NUP62CL: variants seen among roughly 807,000 people sequenced by gnomAD.
NUP62CL encodes nucleoporin 62 C-terminal like.
NUP62CL carries 13 observed loss-of-function variants against 15.3 expected under a neutral mutation model. The observed-to-expected ratio is 0.85, with a 90% CI of 0.55 to 1.35. The LOEUF (loss-of-function observed/expected upper bound fraction) is 1.35, where lower values mean the gene tolerates loss of function less well. Ranked by LOEUF, NUP62CL falls within the 40% of genes most tolerant of loss-of-function variation. The pLI is 0.00. For synonymous variants in NUP62CL, 54 were observed against 49.2 expected (o/e 1.10, Z -0.41); for missense variants, 123 against 130.6 (o/e 0.94, Z 0.28).
chrX:107,156,885 A>C (rs1224493973), intron 4 of NUP62CL, among the ~76,000 whole-genome samples: 2 of 91,459 alleles, frequency 2.2e-5, no homozygotes, highest in African/African-American at 8.2e-5. Flanking sequence ...TTTGAAAAAA[A>C]TTTAGAAGAA....
intron 2 of NUP62CL, among the ~76,000 whole-genome samples, chrX:107,189,877 A>G (rs28617294): frequency 7.5e-4 from 42 of 56,126 alleles, no homozygotes; most frequent in African/African-American, 3.5e-3. Context: ...AAAAAGAAAG[A>G]AAAGAAAGAA....
intron 2 of NUP62CL, among the ~76,000 whole-genome samples, chrX:107,184,321 A>G (rs1376149524): frequency 2.9e-5 from 2 of 68,683 alleles, no homozygotes; most frequent in African/African-American, 1.4e-4. Context: ...GAAAGAAAGA[A>G]AGAAAGAAAG....
intron 2 of NUP62CL, among the ~76,000 whole-genome samples, chrX:107,184,090 C>G (rs766439150): frequency 4.6e-5 from 5 of 109,436 alleles, no homozygotes; most frequent in African/African-American, 6.6e-5. Context: ...ACCTCCCCCC[C>G]CTCCACCAGA....
intron 3 of NUP62CL, among the ~76,000 whole-genome samples, chrX:107,171,409 G>C (rs1370163368): frequency 9.0e-6 from 1 of 111,432 alleles, no homozygotes; most frequent in East Asian, 2.8e-4. Context: ...ACCTGAGGCT[G>C]GATAGTTTAT....
At chrX:107,185,849 G>A (rs1927048104) in intron 2 of NUP62CL, among the ~76,000 whole-genome samples, 1 of 111,260 alleles carries the variant, frequency 9.0e-6, no homozygotes, top group Non-Finnish European at 1.9e-5. Context: ...CAAAAGTAAT[G>A]ATATAGGCAA....
At chrX:107,165,049 C>T (rs1057065521) in intron 4 of NUP62CL, among the ~76,000 whole-genome samples, 24 of 111,373 alleles carry the variant, frequency 2.2e-4, no homozygotes, top group East Asian at 2.0e-3. Flanking sequence ...TGCAGTGAGC[C>T]GAGATCGTGC....
intron 7 of NUP62CL, among the ~76,000 whole-genome samples, chrX:107,149,799 C>T (rs1369782297): frequency 9.0e-6 from 1 of 111,588 alleles, no homozygotes; most frequent in African/African-American, 3.3e-5. Flanking sequence ...TGGGAACTCC[C>T]ACAATGGGAG....
At chrX:107,205,782 T>C (rs1927663804) in intron 1 of NUP62CL, among the ~76,000 whole-genome samples, 2 of 110,631 alleles carry the variant, frequency 1.8e-5, no homozygotes, top group African/African-American at 3.3e-5. Context: ...GACAACCAGA[T>C]TCCCTAGCAG....
chrX:107,176,616 T>C (rs1238178235), intron 2 of NUP62CL, among the ~76,000 whole-genome samples: 1 of 109,284 alleles, frequency 9.2e-6, no homozygotes, highest in Admixed American at 9.8e-5. Context: ...GTGGTGATAG[T>C]TGTACACTCT....
At chrX:107,147,712 TAC>T in intron 8 of NUP62CL, 29 bp downstream of exon 8, 1 of 881,161 alleles carries the variant, frequency 1.1e-6, no homozygotes, top group Non-Finnish European at 1.7e-6. Flanking sequence ...TTGCAATAAA[TAC>T]ACAGAGTGGC....
intron 4 of NUP62CL, among the ~76,000 whole-genome samples, chrX:107,164,977 T>C (rs1345245983): frequency 8.9e-6 from 1 of 112,281 alleles, no homozygotes; most frequent in Non-Finnish European, 1.9e-5. Context: ...GGCGGGTGCC[T>C]GCAGTCCCAG....
At position 107,194,549 on chromosome X, in the gene NUP62CL, C is replaced by A. The variant is rs1478709762; in HGVS notation, c.-91-1477G>T. Among the ~76,000 whole-genome samples the A allele has an allele frequency of 2.6e-4, 29 of 111,058 alleles. No individual in the cohort carries two copies. The Admixed American group carries it at 2.7e-3, about 10-fold the overall frequency. The stretch of plus-strand genomic sequence containing the variant: ...TTTTTAACACAGTAGCTCTGAAAGG[C>A]AATTCTAACAAATTTCAAAAATGTC... On this transcript the variant is annotated intron_variant, in intron 1 of 8. Coordinates refer to ENST00000372466, the MANE Select transcript of NUP62CL (RefSeq NM_017681.3).
chrX:107,150,648 C>G (rs886431401), intron 7 of NUP62CL, among the ~76,000 whole-genome samples: 1 of 112,087 alleles, frequency 8.9e-6, no homozygotes, highest in African/African-American at 3.2e-5. Flanking sequence ...TAGGTATGTA[C>G]CACCATGCCC....
chrX:107,160,593 A>T (rs1347522549), intron 4 of NUP62CL, among the ~76,000 whole-genome samples: 4 of 111,518 alleles, frequency 3.6e-5, no homozygotes, highest in African/African-American at 1.3e-4. Context: ...GAAAGCTGAA[A>T]CCGGATCCCT....
chrX:107,175,188 C>A lies in NUP62CL; in HGVS notation c.-42G>T. ...GTGGTGGCAACAGCAGCTGCTGGAG[C>A]CAAACCTAAAAATCAAAGTAACAAA... On this transcript the variant is annotated 5_prime_UTR_variant, in exon 3 of 9. Transcript: ENST00000372466. 1 of 999,284 alleles carries A rather than the reference C, an allele frequency of 1.0e-6. No individual in the cohort carries two copies. Among genetic ancestry groups the A allele is most frequent in the Non-Finnish European group, 1.4e-6 (1 of 727,170 alleles). The allele number at this position is 999,284 out of a possible 1,213,427, so 82.4% of individuals were successfully genotyped here.
intron 8 of NUP62CL, among the ~76,000 whole-genome samples, chrX:107,140,231 CT>C (rs776651781): frequency 5.7e-4 from 64 of 111,978 alleles, no homozygotes; most frequent in African/African-American, 2.0e-3. Flanking sequence ...CTTAAGTGGT[CT>C]TTATTCAGTC....
At chrX:107,154,944 G>A (rs1276542507) in intron 4 of NUP62CL, among the ~76,000 whole-genome samples, 2 of 111,972 alleles carry the variant, frequency 1.8e-5, no homozygotes, top group Non-Finnish European at 1.9e-5. Context: ...GGCTCAATGA[G>A]GCAGAATGAG....
intron 1 of NUP62CL, among the ~76,000 whole-genome samples, chrX:107,204,372 A>C (rs765775137): frequency 9.0e-6 from 1 of 111,695 alleles, no homozygotes; most frequent in African/African-American, 3.3e-5. Flanking sequence ...GACATTGTTC[A>C]GGGAAGCCAA....
intron 8 of NUP62CL, among the ~76,000 whole-genome samples, chrX:107,145,663 A>G (rs1925867847): frequency 9.0e-6 from 1 of 111,537 alleles, no homozygotes; most frequent in Non-Finnish European, 1.9e-5. Flanking sequence ...TAAAATAAAC[A>G]ATTCCTTAAT....
Sources: gnomAD v4.1 joint callset for allele counts (sites outside exome capture counted in the v4.1 genomes callset) on GRCh38, gnomAD v4.1.1 for gene constraint, MANE v1.5 for transcripts, NCBI Gene and HGNC (gene_info 2026-07-23, HGNC 2026-07-21) for gene names.